Variants in CLASP1 observed in about 807,000 individuals in gnomAD.
CLASP1 encodes CLIP-associating protein 1.
A neutral mutation model predicts 192.3 loss-of-function variants in CLASP1; 38 were observed. That is an observed-to-expected ratio of 0.20 (90% CI 0.15 to 0.26). The LOEUF is 0.26. Among genes scored for constraint, CLASP1 ranks in the 10% least tolerant of loss-of-function variants. The probability of loss-of-function intolerance (pLI) is 1.00; values close to 1 mark genes in which losing one functional copy is unlikely to be tolerated. For missense variants in CLASP1, 1,433 were observed against 1,932.5 expected, an observed-to-expected ratio of 0.74 and a Z score of 4.85; for synonymous variants, 691 against 712.8, an observed-to-expected ratio of 0.97 and a Z score of 0.49.
At chr2:121,460,162 A>G in intron 11 of CLASP1, 37 bp from the exon 12 acceptor site, 1 of 1,551,986 alleles carries the variant, frequency 6.4e-7, no homozygotes, top group Middle Eastern at 1.7e-4. Context: ...AATAGAAAAC[A>G]ATTCTAACAC....
At chr2:121,469,981 C>G in intron 8 of CLASP1, 21 bp from the exon 9 acceptor site, 1 of 1,586,418 alleles carries the variant, frequency 6.3e-7, no homozygotes, top group Non-Finnish European at 8.5e-7. Context: ...AGCACAGAAA[C>G]CAACGTTTTT....
At chr2:121,362,955 C>A (rs949246440) in intron 37 of CLASP1, among the ~76,000 whole-genome samples, 4 of 152,216 alleles carry the variant, frequency 2.6e-5, no homozygotes, top group African/African-American at 4.8e-5. Flanking sequence ...AAACAGTGAG[C>A]AGGAGCTAGG....
chr2:121,361,485 G>T (rs147262232), intron 37 of CLASP1, among the ~76,000 whole-genome samples: 1 of 152,320 alleles, frequency 6.6e-6, no homozygotes, highest in African/African-American at 2.4e-5. Context: ...GCCAGTAACT[G>T]CTATGCATAC....
At chr2:121,530,826 C>A in intron 2 of CLASP1, 1 of 652,034 alleles carries the variant, frequency 1.5e-6, no homozygotes, top group South Asian at 1.6e-5. Flanking sequence ...TTAATTACCA[C>A]AACCCTACCA....
intron 8 of CLASP1, among the ~76,000 whole-genome samples, chr2:121,495,686 A>C (rs1559435198): frequency 6.6e-6 from 1 of 152,244 alleles, no homozygotes; most frequent in Non-Finnish European, 1.5e-5. Context: ...AAAATTTAAA[A>C]AGTAAATAAA....
At chr2:121,469,957 T>G in exon 9 of CLASP1, 1 of 1,611,520 alleles carries the variant, frequency 6.2e-7, no homozygotes, top group Non-Finnish European at 8.5e-7. Flanking sequence ...GTCGAAATTT[T>G]TATCTGAACA....
intron 2 of CLASP1, chr2:121,530,878 A>AC (rs2094779968): frequency 1.4e-6 from 1 of 690,502 alleles, no homozygotes; most frequent in South Asian, 1.5e-5. Flanking sequence ...ACTTTCTATT[A>AC]TAACCATCCT....
intron 2 of CLASP1, among the ~76,000 whole-genome samples, chr2:121,580,114 G>A (rs1414869817): frequency 6.6e-6 from 1 of 151,990 alleles, no homozygotes; most frequent in Non-Finnish European, 1.5e-5. Context: ...ATATTGCTTG[G>A]GTATTGTCCA....
At chr2:121,449,213 C>A (rs1452283174) in intron 16 of CLASP1, 93 bp from the exon 17 acceptor site, 6 of 1,119,772 alleles carry the variant, frequency 5.4e-6, no homozygotes. Flanking sequence ...TTTTCAAGGA[C>A]TGGAAGCCTC....
chr2:121,559,349 T>C (rs1175472490), intron 2 of CLASP1, among the ~76,000 whole-genome samples: 1 of 152,328 alleles, frequency 6.6e-6, no homozygotes, highest in East Asian at 1.9e-4. Context: ...CTCCTAGGTA[T>C]ATACCCAAGA....
intron 8 of CLASP1, among the ~76,000 whole-genome samples, chr2:121,475,593 T>C (rs2091497166): frequency 6.6e-6 from 1 of 152,352 alleles, no homozygotes; most frequent in East Asian, 1.9e-4. Context: ...TGGATTCCCA[T>C]TTTCTTTAGG....
intron 2 of CLASP1, among the ~76,000 whole-genome samples, chr2:121,560,136 TA>T (rs985540577): frequency 3.1e-4 from 45 of 145,802 alleles, no homozygotes; most frequent in East Asian, 4.0e-4. Context: ...CACTTCAAAG[TA>T]AAAAAAAAAA....
intron 7 of CLASP1, among the ~76,000 whole-genome samples, chr2:121,512,201 T>C (rs1266348757): frequency 6.6e-6 from 1 of 152,206 alleles, no homozygotes; most frequent in African/African-American, 2.4e-5. Context: ...TCCCAAATGA[T>C]GATCCCAGAA....
chr2:121,428,065 T>A (rs1428176122), intron 20 of CLASP1, among the ~76,000 whole-genome samples: 1 of 152,206 alleles, frequency 6.6e-6, no homozygotes, highest in Non-Finnish European at 1.5e-5. Flanking sequence ...TCTTCCTGAG[T>A]ACGATTTGGT....
rs1480381449 is a variant in CLASP1, at chr2:121,385,606, A to G, written c.3374+1516T>C. 3.3e-5 allele frequency among the ~76,000 whole-genome samples: 5 copies of G among 152,232 alleles called. No homozygotes were observed. In the East Asian group the frequency reaches 5.8e-4, roughly 18 times the overall value. On this transcript the variant is annotated intron_variant, in intron 32 of 39. Transcript: ENST00000263710. ...CAAGTTTTTACTTAGATTAGTCCAA[A>G]TAATAAAATGCTTAATTTGAGTTAT...
chr2:121,517,667 C>A (rs1010013764), intron 6 of CLASP1, among the ~76,000 whole-genome samples: 1 of 151,638 alleles, frequency 6.6e-6, no homozygotes, highest in African/African-American at 2.4e-5. Flanking sequence ...CCAGCCTGGG[C>A]AACAAAGTGA....
In CLASP1 at chr2:121,432,912, G is replaced by A. The variant is rs146280431; in HGVS notation, c.1913-2735C>T. 3.0e-3 allele frequency among the ~76,000 whole-genome samples: 462 copies of A among 152,246 alleles called. 3 individuals are homozygous for A. The highest frequency in any genetic ancestry group is 5.3e-3 in the Non-Finnish European group (363 of 68,014). On this transcript the variant is annotated intron_variant, in intron 19 of 39. Transcript: ENST00000263710. Reference sequence around the variant, plus strand: ...TTTACTTCTTTGCCTTTATTGTGGTGTCTTGGTCATGTAATATAATGCAAA... The same window carrying A: ...TTTACTTCTTTGCCTTTATTGTGGTATCTTGGTCATGTAATATAATGCAAA...
At chr2:121,501,213 T>G (rs2093741141) in intron 8 of CLASP1, among the ~76,000 whole-genome samples, 1 of 152,230 alleles carries the variant, frequency 6.6e-6, no homozygotes, top group Admixed American at 6.5e-5. Context: ...TTTACTTACT[T>G]GCACAGCATG....
chr2:121,503,694 T>A (rs2093839211), intron 7 of CLASP1: 1 of 152,846 alleles, frequency 6.5e-6, no homozygotes, highest in African/African-American at 2.4e-5. Context: ...TTGCTGTGAT[T>A]CATGCTTAAT....
Sources: allele counts gnomAD v4.1 joint callset (sites outside exome capture counted in the v4.1 genomes callset), GRCh38; gene constraint gnomAD v4.1.1; transcripts MANE v1.5; gene names NCBI Gene and HGNC (gene_info 2026-07-23, HGNC 2026-07-21).